The following SRGAP2B variants were observed in gnomAD, a reference collection of about 807,000 sequenced individuals.
SRGAP2B encodes SLIT-ROBO Rho GTPase activating protein 2B.
SRGAP2B carries 9 observed loss-of-function variants against 22.2 expected under a neutral mutation model. The observed-to-expected ratio is 0.41, with a 90% CI of 0.24 to 0.71. The LOEUF (loss-of-function observed/expected upper bound fraction) is 0.71, where lower values mean the gene tolerates loss of function less well. SRGAP2B is among the 30% of genes least tolerant of loss of function. The pLI is 0.35. For missense variants in SRGAP2B, 114 were observed against 235.8 expected (o/e 0.48, Z 3.38); for synonymous variants, 36 against 87.4 (o/e 0.41, Z 3.28).
chr1:144,944,161 A>G (rs1387746982), intron 4 of SRGAP2B, among the ~76,000 whole-genome samples: 1 of 150,682 alleles, frequency 6.6e-6, no homozygotes, highest in Non-Finnish European at 1.5e-5. Context: ...TCAGAGGAAG[A>G]TAAGTACATC....
rs1352462427 is a variant in SRGAP2B, at chr1:145,009,535, C to T, written c.68-14335G>A. On this transcript the variant is annotated intron_variant, in intron 2 of 9. Transcript: ENST00000612199. ...CCCGGGAGGCGGAGCTTGCAGTGAG[C>T]CGAGATCCCGCCACTGCACTCCAGC... is the stretch of plus-strand genomic sequence containing the variant. Among the ~76,000 whole-genome samples, 5 of 146,988 alleles carry T rather than the reference C, an allele frequency of 3.4e-5. 1 individual carries two copies. Among genetic ancestry groups the T allele is most frequent in the African/African-American group, 1.3e-4 (5 of 38,660 alleles).
In SRGAP2B at chr1:144,976,091, A is replaced by G. The variant is rs1338530877; in HGVS notation, c.260+18917T>C. The stretch of plus-strand genomic sequence containing the variant: ...GAGACAGGGTTTCACCGTGTTAGCC[A>G]GGATGGTCTTGATCTCCTGACCTCA... On this transcript the variant is annotated intron_variant, in intron 3 of 9. Transcript: ENST00000612199. Among the ~76,000 whole-genome samples the G allele has an allele frequency of 2.7e-5, 4 of 147,934 alleles. 1 individual carries two copies. Among genetic ancestry groups the G allele is most frequent in the African/African-American group, 1.0e-4 (4 of 38,176 alleles).
intron 5 of SRGAP2B, among the ~76,000 whole-genome samples, chr1:144,907,147 GTGTGTGTGTGTGTGTGCA>G (rs1318306894): frequency 3.4e-4 from 50 of 149,156 alleles, no homozygotes; most frequent in African/African-American, 1.2e-3. Flanking sequence ...GCGTGTGTGT[GTGTGTGTGTGTGTGTGCA>G]TGTGTGTGTG....
intron 4 of SRGAP2B, among the ~76,000 whole-genome samples, chr1:144,941,485 G>C (rs1290137048): frequency 2.7e-5 from 4 of 147,360 alleles, no homozygotes; most frequent in African/African-American, 1.0e-4. Context: ...GATTTGTAGA[G>C]AACAGAGAAA....
chr1:144,973,120 A>G (rs1392902979), intron 3 of SRGAP2B, among the ~76,000 whole-genome samples: 2 of 148,610 alleles, frequency 1.3e-5, no homozygotes, highest in Non-Finnish European at 2.9e-5. Flanking sequence ...CAAAAAAAAG[A>G]ATAACAGAAC....
chr1:144,907,334 C>G (rs1383752724), intron 5 of SRGAP2B, among the ~76,000 whole-genome samples: 4 of 147,312 alleles, frequency 2.7e-5, no homozygotes, highest in African/African-American at 1.0e-4. Flanking sequence ...GGAAATAAGG[C>G]TCAGAGAGAT....
intron 2 of SRGAP2B, among the ~76,000 whole-genome samples, chr1:145,041,057 G>C (rs1649167905): frequency 9.4e-6 from 1 of 106,026 alleles, no homozygotes; most frequent in Non-Finnish European, 1.8e-5. Flanking sequence ...AATATCATTT[G>C]TTGCATGTAT....
intron 5 of SRGAP2B, among the ~76,000 whole-genome samples, chr1:144,911,987 G>A (rs1403013895): frequency 8.5e-6 from 1 of 117,296 alleles, no homozygotes; most frequent in Admixed American, 1.0e-4. Context: ...GTCTCGCTCT[G>A]TTGCCCAGGC....
At chr1:145,025,902 C>T (rs1244686794) in intron 2 of SRGAP2B, among the ~76,000 whole-genome samples, 4 of 151,156 alleles carry the variant, frequency 2.6e-5, no homozygotes, top group South Asian at 4.2e-4. Flanking sequence ...CTATCCTGAA[C>T]GCTTTAACGC....
chr1:144,998,991 A>G (rs1380614480), intron 2 of SRGAP2B, among the ~76,000 whole-genome samples: 5 of 150,912 alleles, frequency 3.3e-5, no homozygotes, highest in South Asian at 2.1e-4. Context: ...CTATCAACAA[A>G]CAAAAGGGCA....
At chr1:145,081,337 A>G (rs1553634700) in intron 2 of SRGAP2B, among the ~76,000 whole-genome samples, 1 of 150,370 alleles carries the variant, frequency 6.7e-6, no homozygotes, top group Admixed American at 6.6e-5. Context: ...CATCACCATC[A>G]TTATTATAAG....
intron 2 of SRGAP2B, among the ~76,000 whole-genome samples, chr1:145,082,155 G>GCC (rs1478109955): frequency 1.3e-5 from 2 of 148,684 alleles, no homozygotes; most frequent in African/African-American, 2.6e-5. Context: ...GGAGGAACAT[G>GCC]CCCCAACTGT....
At chr1:144,975,486 C>T (rs1553614028) in intron 3 of SRGAP2B, among the ~76,000 whole-genome samples, 1 of 146,816 alleles carries the variant, frequency 6.8e-6, no homozygotes, top group Non-Finnish European at 1.5e-5. Flanking sequence ...GGATTAGTTC[C>T]TGAGAGAGTG....
chr1:145,022,579 C>A (rs587667410), intron 2 of SRGAP2B, among the ~76,000 whole-genome samples: 1 of 147,948 alleles, frequency 6.8e-6, no homozygotes, highest in Non-Finnish European at 1.5e-5. Flanking sequence ...CTGAGTATAC[C>A]AGTCAGAGAT....
intron 3 of SRGAP2B, chr1:144,965,062 T>A (rs1667972321): frequency 8.7e-7 from 1 of 1,148,506 alleles, no homozygotes; most frequent in Non-Finnish European, 1.3e-6. Context: ...AAGCTGAAGA[T>A]AACAGCTGTT....
chr1:145,035,985 C>T (rs1433471000), intron 2 of SRGAP2B, among the ~76,000 whole-genome samples: 1 of 139,540 alleles, frequency 7.2e-6, no homozygotes, highest in Non-Finnish European at 1.5e-5. Flanking sequence ...CACTGAAATC[C>T]CATTCATACA....
intron 2 of SRGAP2B, among the ~76,000 whole-genome samples, chr1:145,045,261 C>T (rs1184271739): frequency 8.8e-6 from 1 of 113,550 alleles, no homozygotes; most frequent in Admixed American, 9.3e-5. Flanking sequence ...CTAGCCACTG[C>T]ACTCCAGCCT....
chr1:145,058,917 C>T (rs1650708247), intron 2 of SRGAP2B, among the ~76,000 whole-genome samples: 2 of 140,370 alleles, frequency 1.4e-5, no homozygotes, highest in East Asian at 2.1e-4. Context: ...AGCCACCGTG[C>T]CTGGCCCAAT....
intron 3 of SRGAP2B, among the ~76,000 whole-genome samples, chr1:144,956,439 C>CTTTTTTTTTT (rs3069132): frequency 2.1e-5 from 2 of 95,380 alleles, no homozygotes; most frequent in Non-Finnish European, 4.2e-5. Context: ...TGCTCATTCC[C>CTTTTTTTTTT]TTTTTTTTTT....
Sources: gnomAD v4.1 joint callset for allele counts (sites outside exome capture counted in the v4.1 genomes callset) on GRCh38, gnomAD v4.1.1 for gene constraint, MANE v1.5 for transcripts, NCBI Gene and HGNC (gene_info 2026-07-23, HGNC 2026-07-21) for gene names.